MEGF9: variants seen among roughly 807,000 people sequenced by gnomAD.
The protein encoded by MEGF9 is multiple epidermal growth factor-like domains protein 9.
Under a neutral mutation model 46.8 loss-of-function variants are expected in MEGF9, and 6 were observed. The observed-to-expected ratio is 0.13, with a 90% confidence interval of 0.07 to 0.25. MEGF9 has a LOEUF of 0.25. Among genes scored for constraint, MEGF9 ranks in the 10% least tolerant of loss-of-function variants. The pLI is 1.00. For synonymous variants in MEGF9, 302 were observed against 330.7 expected (o/e 0.91, Z 0.94); for missense variants, 683 against 792.4 (o/e 0.86, Z 1.66).
rs1371146217 is a variant in MEGF9 at position 120,600,932 on chromosome 9, A to G, written c.*4258T>C. ...AACAACAAATCTACAATAGGTACAA[A>G]TTATATACATTTATTTTTAATAATT... On this transcript the variant is annotated 3_prime_UTR_variant, in exon 6 of 6. Coordinates refer to ENST00000373930, the MANE Select transcript of MEGF9 (RefSeq NM_001080497.3). The G allele has an allele frequency of 3.3e-5, 5 of 152,664 alleles. No homozygotes were observed. Among genetic ancestry groups the G allele is most frequent in the African/African-American group, 4.8e-5 (2 of 41,464 alleles). 9.5% of individuals were successfully genotyped at this position (152,664 alleles called of 1,614,324 possible).
Position 120,713,791 on chromosome 9 carries a change from G to C in MEGF9, c.568C>G (p.Pro190Ala). ...SSNSSVLPTP[P>A]ATEAPSSPPP... ...GGCGAAGAGGGGGCCTCGGTGGCAG[G>C]TGGGGTGGGGAGGACGCTGCTGTTG... The change falls in exon 1 of 6, where the codon CCT becomes GCT. Residue 190 changes from proline to alanine, a missense_variant. Transcript: ENST00000373930. 6 of 1,296,118 alleles carry C rather than the reference G, an allele frequency of 4.6e-6. No homozygotes were observed. The highest frequency in any genetic ancestry group is 5.9e-6 in the Non-Finnish European group (6 of 1,021,690). The allele number at this position is 1,296,118 out of a possible 1,614,324, so 80.3% of individuals were successfully genotyped here.
chr9:120,650,577 C>T (rs1376929871), intron 2 of MEGF9, among the ~76,000 whole-genome samples: 1 of 152,164 alleles, frequency 6.6e-6, no homozygotes, highest in African/African-American at 2.4e-5. Flanking sequence ...CAAAATCTAC[C>T]CTCACTGGGG....
chr9:120,674,703 G>A (rs1049769213), intron 1 of MEGF9, among the ~76,000 whole-genome samples: 1 of 151,838 alleles, frequency 6.6e-6, no homozygotes, highest in South Asian at 2.1e-4. Flanking sequence ...TAAGAAGCTA[G>A]GGCTACAAGC....
intron 1 of MEGF9, among the ~76,000 whole-genome samples, chr9:120,696,302 T>A (rs1004039180): frequency 6.6e-6 from 1 of 152,142 alleles, no homozygotes; most frequent in Non-Finnish European, 1.5e-5. Context: ...GAACAGCACA[T>A]GCAAAATAAG....
At chr9:120,683,361 A>C (rs772517458) in intron 1 of MEGF9, among the ~76,000 whole-genome samples, 1 of 152,212 alleles carries the variant, frequency 6.6e-6, no homozygotes, top group African/African-American at 2.4e-5. Flanking sequence ...ATCTCATCTC[A>C]AATTGTAATC....
intron 1 of MEGF9, among the ~76,000 whole-genome samples, chr9:120,660,873 G>A (rs1439768431): frequency 6.6e-6 from 1 of 152,104 alleles, no homozygotes; most frequent in Non-Finnish European, 1.5e-5. Flanking sequence ...AAATAGGTAA[G>A]GCACTATATA....
At position 120,623,281 on chromosome 9, in the gene MEGF9, GGTATCAA is replaced by G. The variant is rs1481715174; in HGVS notation, c.804-533_804-527del. ...TGCCAAATAACTTGATATCCACTTAGGTATCAAGCTTCATTCTGTAGATCCAAAGCAT... is the reference window on the plus strand; with the variant it reads ...TGCCAAATAACTTGATATCCACTTAGGCTTCATTCTGTAGATCCAAAGCAT... On this transcript the variant is annotated intron_variant, in intron 2 of 5. Coordinates refer to ENST00000373930, the MANE Select transcript of MEGF9 (RefSeq NM_001080497.3). 5.3e-5 allele frequency among the ~76,000 whole-genome samples: 8 copies of G among 152,124 alleles called. No individual in the cohort carries two copies. In the Middle Eastern group the frequency reaches 9.5e-3, roughly 181 times the overall value.
chr9:120,679,825 C>G (rs2043790339), intron 1 of MEGF9, among the ~76,000 whole-genome samples: 2 of 151,602 alleles, frequency 1.3e-5, no homozygotes, highest in African/African-American at 4.8e-5. Flanking sequence ...GTAATCCCAG[C>G]TACTCAGGAG....
chr9:120,614,507 T>C (rs533369052), intron 3 of MEGF9, among the ~76,000 whole-genome samples: 5 of 152,350 alleles, frequency 3.3e-5, no homozygotes, highest in South Asian at 4.1e-4. Context: ...GTAGACACTT[T>C]AGGTACTGGC....
chr9:120,615,074 T>TATTAAAA (rs1422417779), intron 3 of MEGF9, among the ~76,000 whole-genome samples: 1 of 151,658 alleles, frequency 6.6e-6, no homozygotes, highest in Non-Finnish European at 1.5e-5. Context: ...ACCCTATCTC[T>TATTAAAA]ATTAAAAATA....
In MEGF9 at chr9:120,714,332, C is replaced by T; in HGVS notation, c.27G>A (p.Met9Ile). The change falls in exon 1 of 6, where the codon ATG (methionine) becomes ATA (isoleucine). Residue 9 changes from methionine (M) to isoleucine (I), a missense_variant. Around this residue, in one of 2 missense-constraint regions of MEGF9, gnomAD observed 370 missense variants for 371.3 expected, o/e 1.00. Transcript: ENST00000373930. MNGGAERAMRSLPSLGGLA... is the reference protein window; with the variant it reads MNGGAERAIRSLPSLGGLA... Reference sequence around the variant, plus strand: ...GGCCGCCCAGGCTCGGCAGGCTCCTCATGGCGCGCTCGGCTCCGCCATTCA... The same window carrying T: ...GGCCGCCCAGGCTCGGCAGGCTCCTTATGGCGCGCTCGGCTCCGCCATTCA... 1.5e-6 allele frequency: 2 copies of T among 1,347,470 alleles called. No individual in the cohort carries two copies. Among genetic ancestry groups the T allele is most frequent in the Non-Finnish European group, 1.9e-6 (2 of 1,047,952 alleles). 83.5% of individuals were successfully genotyped at this position (1,347,470 alleles called of 1,614,324 possible).
chr9:120,664,372 C>T (rs1342638118), intron 1 of MEGF9, among the ~76,000 whole-genome samples: 1 of 152,088 alleles, frequency 6.6e-6, no homozygotes, highest in Non-Finnish European at 1.5e-5. Context: ...TTTTTGAAGT[C>T]ATTTCTGAGT....
chr9:120,659,771 T>C (rs1303058522), intron 1 of MEGF9, among the ~76,000 whole-genome samples, 196 bp from the exon 2 acceptor site: 1 of 146,104 alleles, frequency 6.8e-6, no homozygotes, highest in Non-Finnish European at 1.5e-5. Flanking sequence ...ACATAAATTA[T>C]GTAGTGTGTG....
intron 1 of MEGF9, among the ~76,000 whole-genome samples, chr9:120,684,949 C>T (rs2043815464): frequency 6.6e-6 from 1 of 152,152 alleles, no homozygotes; most frequent in South Asian, 2.1e-4. Flanking sequence ...ATTCTCCTGC[C>T]TCAGCTTCCT....
chr9:120,641,788 A>G (rs2043604288), intron 2 of MEGF9, among the ~76,000 whole-genome samples: 1 of 152,140 alleles, frequency 6.6e-6, no homozygotes, highest in Non-Finnish European at 1.5e-5. Context: ...AAAGCTACTT[A>G]CTTTCCACTT....
intron 2 of MEGF9, among the ~76,000 whole-genome samples, chr9:120,636,083 A>G (rs116051524): frequency 0.02 from 2,987 of 152,256 alleles, 111 homozygotes; most frequent in African/African-American, 0.069. Context: ...TAACACGTGT[A>G]TGTCACCACA....
rs536656135 is a variant in MEGF9, at chr9:120,678,952, G to A, written c.602-19377C>T. Among the ~76,000 whole-genome samples, 109 of 152,240 alleles carry A rather than the reference G, an allele frequency of 7.2e-4. 2 individuals are homozygous for A. In the South Asian group the frequency reaches 0.012, roughly 16 times the overall value. ...ACCATCTCACACCAGTTACAATGGC[G>A]ATCATTAAAAAGTCAGGAAACAACA... On this transcript the variant is annotated intron_variant, in intron 1 of 5. Coordinates refer to ENST00000373930, the MANE Select transcript of MEGF9 (RefSeq NM_001080497.3).
chr9:120,639,857 A>C (rs183205340), intron 2 of MEGF9, among the ~76,000 whole-genome samples: 1 of 152,310 alleles, frequency 6.6e-6, no homozygotes, highest in East Asian at 1.9e-4. Flanking sequence ...TTTGCATAAC[A>C]TATAAGTGAA....
At chr9:120,621,929 A>C (rs1421545539) in intron 3 of MEGF9, among the ~76,000 whole-genome samples, 1 of 148,832 alleles carries the variant, frequency 6.7e-6, no homozygotes, top group Non-Finnish European at 1.5e-5. Context: ...CTTAGCCCTA[A>C]AAGACTGTGA....
Sources: allele counts gnomAD v4.1 joint callset (sites outside exome capture counted in the v4.1 genomes callset), GRCh38; gene constraint gnomAD v4.1.1; regional missense constraint gnomAD v4.1.1; transcripts MANE v1.5; gene names NCBI Gene and HGNC (gene_info 2026-07-23, HGNC 2026-07-21).